NUFIP2: variants seen among roughly 807,000 people sequenced by gnomAD.
NUFIP2 encodes FMR1-interacting protein NUFIP2.
In NUFIP2, 6 loss-of-function variants were observed where a neutral mutation model predicts 56.9. The ratio of observed to expected loss-of-function variants is 0.11; its 90% CI spans 0.06 to 0.21. The LOEUF is 0.21. Among genes scored for constraint, NUFIP2 ranks in the 10% least tolerant of loss-of-function variants. The pLI, the probability that NUFIP2 is intolerant of heterozygous loss-of-function variation, is 1.00. For missense variants in NUFIP2, 828 were observed against 826.8 expected, an observed-to-expected ratio of 1.00 and a Z score of -0.02; for synonymous variants, 321 against 298.2, an observed-to-expected ratio of 1.08 and a Z score of -0.79.
At chr17:29,290,870 A>C (rs1050360623) in intron 1 of NUFIP2, among the ~76,000 whole-genome samples, 7 of 151,966 alleles carry the variant, frequency 4.6e-5, no homozygotes, top group Admixed American at 1.3e-4. Context: ...AAGATGAGCA[A>C]TCTGAAATAG....
At chr17:29,285,302 A>G (rs577521310) in intron 2 of NUFIP2, among the ~76,000 whole-genome samples, 97 of 150,766 alleles carry the variant, frequency 6.4e-4, no homozygotes, top group African/African-American at 2.2e-3. Context: ...TCTGTCTCAA[A>G]AACAAATAAG....
chr17:29,268,620 C>T (rs1411642222), intron 2 of NUFIP2, among the ~76,000 whole-genome samples: 2 of 152,108 alleles, frequency 1.3e-5, no homozygotes, highest in African/African-American at 2.4e-5. Flanking sequence ...CGGGTTCAAG[C>T]GATTCTCCTG....
intron 2 of NUFIP2, among the ~76,000 whole-genome samples, chr17:29,277,925 T>C (rs533012249): frequency 7.2e-5 from 11 of 151,900 alleles, no homozygotes; most frequent in African/African-American, 2.7e-4. Flanking sequence ...AGGCAAGAGA[T>C]CGCTTGAACC....
In NUFIP2 at chr17:29,286,668, A is replaced by G; in HGVS notation, c.1326T>C (p.Thr442=). The G allele has an allele frequency of 6.2e-7, 1 of 1,614,174 alleles. No individual in the cohort carries two copies. Among genetic ancestry groups the G allele is most frequent in the East Asian group, 2.2e-5 (1 of 44,890 alleles). ...GQPLLTTAAN[T]LTPISSGTDS... Reference sequence around the variant, plus strand: ...CTGTCCCAGAAGAGATGGGTGTTAGAGTATTAGCAGCAGTAGTTAGCAGTG... The same window carrying G: ...CTGTCCCAGAAGAGATGGGTGTTAGGGTATTAGCAGCAGTAGTTAGCAGTG... The change falls in exon 2 of 4, where the codon ACT becomes ACC. Residue 442 remains threonine, a synonymous_variant. Coordinates refer to ENST00000225388, the MANE Select transcript of NUFIP2 (RefSeq NM_020772.3).
chr17:29,287,441 G>A lies in NUFIP2; in HGVS notation c.553C>T (p.Pro185Ser), dbSNP rs964120415. The A allele has an allele frequency of 6.2e-6, 10 of 1,613,826 alleles. No homozygotes were observed. Among genetic ancestry groups the A allele is most frequent in the Non-Finnish European group, 8.5e-6 (10 of 1,179,930 alleles). ...TTTGTTACCACACCATTTGGAATTG[G>A]TATAGTATCAGACTTATCTACAGAC... Reference protein sequence around the residue: ...NQSVDKSDTIPIPNGVVTNNS... With the variant: ...NQSVDKSDTISIPNGVVTNNS... The change falls in exon 2 of 4, where the codon CCA becomes TCA. Residue 185 changes from proline to serine, a missense_variant. Pro to Ser is a moderately conservative substitution (Grantham distance 74). Around this residue, in one of 3 missense-constraint regions of NUFIP2, gnomAD observed 415 missense variants for 408.7 expected, o/e 1.02. Coordinates refer to ENST00000225388, the MANE Select transcript of NUFIP2 (RefSeq NM_020772.3).
At position 29,286,520 on chromosome 17, in the gene NUFIP2, A is replaced by C. The variant is rs1598435412; in HGVS notation, c.1474T>G (p.Ser492Ala). 1.9e-6 allele frequency: 3 copies of C among 1,614,162 alleles called. No individual in the cohort carries two copies. Residue 492 changes from serine to alanine, a missense_variant, in exon 2 of 4, where the codon TCT (serine) becomes GCT (alanine). Transcript: ENST00000225388. ...LLSTAQVDLPSQTDQQNLGDI... is the reference protein window; with the variant it reads ...LLSTAQVDLPAQTDQQNLGDI... ...CCCAGGTTTTGCTGATCTGTCTGAG[A>C]GGGCAGATCCACTTGTGCTGTGCTC...
intron 2 of NUFIP2, among the ~76,000 whole-genome samples, chr17:29,273,816 T>A (rs1211882477): frequency 1.3e-5 from 2 of 152,226 alleles, no homozygotes; most frequent in Non-Finnish European, 2.9e-5. Flanking sequence ...TATTTAGCTA[T>A]GCCACTCAAA....
chr17:29,292,883 G>GGT (rs1555549643), intron 1 of NUFIP2, among the ~76,000 whole-genome samples: 1 of 144,552 alleles, frequency 6.9e-6, no homozygotes, highest in South Asian at 2.1e-4. Context: ...GCCGGCGACG[G>GGT]GGGGGGGGGC....
rs1242637934 is a variant in NUFIP2, at chr17:29,256,769, A to G, written c.*7770T>C. The G allele has an allele frequency of 6.6e-6, 1 of 152,242 alleles. No homozygotes were observed. Among genetic ancestry groups the G allele is most frequent in the Non-Finnish European group, 1.5e-5 (1 of 68,028 alleles). The allele number at this position is 152,242 out of a possible 1,614,324, so 9.4% of individuals were successfully genotyped here. A position where few individuals can be genotyped will look rare whatever the true frequency, so the allele number is the denominator to read the frequency against. ...CAAAGTAAAGCTATTTAGTACATACAGATTGCAGCACTTGAACCAAATGTA... is the reference window on the plus strand; with the variant it reads ...CAAAGTAAAGCTATTTAGTACATACGGATTGCAGCACTTGAACCAAATGTA... On this transcript the variant is annotated 3_prime_UTR_variant, in exon 4 of 4. Transcript: ENST00000225388.
At chr17:29,273,402 C>T (rs1007369104) in intron 2 of NUFIP2, among the ~76,000 whole-genome samples, 5 of 151,992 alleles carry the variant, frequency 3.3e-5, no homozygotes, top group African/African-American at 4.8e-5. Flanking sequence ...AAACTCCTGA[C>T]CTCAGGTGAT....
chr17:29,268,696 T>C (rs554288075), intron 2 of NUFIP2, among the ~76,000 whole-genome samples: 2 of 151,958 alleles, frequency 1.3e-5, no homozygotes, highest in Admixed American at 6.6e-5. Context: ...TTTGTATATA[T>C]ATATTTTTTT....
In NUFIP2 at chr17:29,286,692, T is replaced by C. The variant is rs778465472; in HGVS notation, c.1302A>G (p.Pro434=). Residue 434 remains proline, a synonymous_variant, in exon 2 of 4, where the codon CCA becomes CCG. Coordinates refer to ENST00000225388, the MANE Select transcript of NUFIP2 (RefSeq NM_020772.3). ...GAGTATTAGCAGCAGTAGTTAGCAG[T>C]GGCTGACCCCCTGGAGGATAAACAT... ...DGNVYPPGGQ[P]LLTTAANTLT... is the part of the protein sequence containing the mutation. The C allele has an allele frequency of 2.5e-6, 4 of 1,614,070 alleles. No homozygotes were observed. The South Asian group carries it at 3.3e-5, about 13-fold the overall frequency.
intron 3 of NUFIP2, among the ~76,000 whole-genome samples, chr17:29,266,917 T>C (rs1232966626): frequency 6.6e-6 from 1 of 151,960 alleles, no homozygotes; most frequent in African/African-American, 2.4e-5. Flanking sequence ...TATCTTTTTT[T>C]TTGGAGATGG....
At chr17:29,292,339 C>T (rs2069219624) in intron 1 of NUFIP2, among the ~76,000 whole-genome samples, 1 of 151,884 alleles carries the variant, frequency 6.6e-6, no homozygotes, top group Admixed American at 6.6e-5. Context: ...AATCCCTCAC[C>T]TCAAAGACAC....
rs371052069 is a variant in NUFIP2, at chr17:29,286,094, A to C, written c.1900T>G (p.Leu634Val). 3.1e-6 allele frequency: 5 copies of C among 1,613,960 alleles called. No individual in the cohort carries two copies. The African/African-American group carries it at 6.7e-5, about 22-fold the overall frequency. ...CTCTGTTCTTTGGCAGAGCCTAACA[A>C]AGTGTTCGTAGGAGAGGCCAGAGGA... ...QNPLASPTNT[L>V]LGSAKEQRYQ... Residue 634 changes from leucine (L) to valine (V), a missense_variant, in exon 2 of 4, where the codon TTG becomes GTG. Coordinates refer to ENST00000225388, the MANE Select transcript of NUFIP2 (RefSeq NM_020772.3).
intron 1 of NUFIP2, among the ~76,000 whole-genome samples, chr17:29,288,006 A>AT (rs1425812682): frequency 1.3e-5 from 2 of 152,172 alleles, no homozygotes; most frequent in Non-Finnish European, 2.9e-5. Flanking sequence ...CCTCTCATCT[A>AT]ACAGAATCAA....
At chr17:29,275,820 G>C (rs181641956) in intron 2 of NUFIP2, among the ~76,000 whole-genome samples, 1 of 152,102 alleles carries the variant, frequency 6.6e-6, no homozygotes, top group Admixed American at 6.5e-5. Context: ...TTGCGGTCAG[G>C]AGTTCGAGGC....
chr17:29,281,528 T>C (rs2069139498), intron 2 of NUFIP2, among the ~76,000 whole-genome samples: 2 of 148,546 alleles, frequency 1.3e-5, no homozygotes, highest in African/African-American at 2.5e-5. Flanking sequence ...TAACATATTA[T>C]ATAAAAAGCT....
At chr17:29,291,597 T>C (rs963164870) in intron 1 of NUFIP2, among the ~76,000 whole-genome samples, 6 of 152,214 alleles carry the variant, frequency 3.9e-5, no homozygotes, top group African/African-American at 9.6e-5. Flanking sequence ...AATACCACCT[T>C]GAATGGTTCA....
Sources: gnomAD v4.1 joint callset for allele counts (sites outside exome capture counted in the v4.1 genomes callset) on GRCh38, gnomAD v4.1.1 for gene constraint, gnomAD v4.1.1 regional missense constraint, MANE v1.5 for transcripts, NCBI Gene and HGNC (gene_info 2026-07-23, HGNC 2026-07-21) for gene names.